Variants in CLK3 observed in about 807,000 individuals in gnomAD.
CLK3 encodes dual specificity protein kinase CLK3.
A neutral mutation model predicts 65.2 loss-of-function variants in CLK3; 24 were observed. That is an observed-to-expected ratio of 0.37 (90% CI 0.27 to 0.52). The LOEUF (loss-of-function observed/expected upper bound fraction) is 0.52. Ranked by LOEUF, CLK3 falls within the 20% of genes least tolerant of loss-of-function variation. CLK3 has a pLI of 0.92. For missense variants in CLK3, 506 were observed against 660.0 expected (o/e 0.77, Z 2.56); for synonymous variants, 252 against 240.8 (o/e 1.05, Z -0.43).
Position 74,622,169 on chromosome 15 carries a change from A to G in CLK3, c.419A>G (p.Lys140Arg), listed in dbSNP as rs767593875. The part of the protein sequence containing the change: ...KRSSRSVEDD[K>R]EGHLVCRIGD... ...AGCAGCCGGAGTGTGGAAGATGACAAGGAGGGTCACCTGGTGTGCCGGATC... is the reference window on the plus strand; with the variant it reads ...AGCAGCCGGAGTGTGGAAGATGACAGGGAGGGTCACCTGGTGTGCCGGATC... Residue 140 changes from lysine (K) to arginine (R), a missense_variant, in exon 4 of 13, where the codon AAG (lysine) becomes AGG (arginine). By Grantham distance (26) the Lys-to-Arg change is conservative. This residue lies in a region of CLK3 where 325 missense variants were observed against 500.5 expected (regional missense o/e 0.65). Coordinates refer to ENST00000395066, the MANE Select transcript of CLK3 (RefSeq NM_001130028.2). This position sits in a 1 kb window ranked among gnomAD's most constrained non-coding sequence, Gnocchi z 4.6. 1 of 1,614,142 alleles carries G rather than the reference A, an allele frequency of 6.2e-7. No individual in the cohort carries two copies. The highest frequency in any genetic ancestry group is 1.1e-5 in the South Asian group (1 of 91,086).
intron 11 of CLK3, 66 bp from the exon 12 acceptor site, chr15:74,628,876 C>T: frequency 1.6e-6 from 2 of 1,225,358 alleles, no homozygotes; most frequent in Non-Finnish European, 2.4e-6. Flanking sequence ...CTGCTCTTCC[C>T]CACCTCCCAC....
chr15:74,614,849 G>T (rs1020715471), upstream of CLK3: 1 of 152,220 alleles, frequency 6.6e-6, no homozygotes, highest in Admixed American at 6.5e-5. Flanking sequence ...CCCGACTGCG[G>T]GTTTCTAGCC....
Position 74,628,584 on chromosome 15 carries a change from C to G in CLK3, c.1126-20C>G. 3 of 1,600,496 alleles carry G rather than the reference C, an allele frequency of 1.9e-6. No homozygotes were observed. Among genetic ancestry groups the G allele is most frequent in the Non-Finnish European group, 2.6e-6 (3 of 1,169,600 alleles). ...CAGAGCTAGTACTGACCCCCTTGCA[C>G]TGTCCCTAATCTTCCACAGACCCAC... On this transcript the variant is annotated intron_variant, in intron 10 of 12. Coordinates refer to ENST00000395066, the MANE Select transcript of CLK3 (RefSeq NM_001130028.2).
upstream of CLK3, chr15:74,615,557 G>T: frequency 7.9e-7 from 1 of 1,270,648 alleles, no homozygotes; most frequent in Non-Finnish European, 9.9e-7. Flanking sequence ...CCACCTCTCG[G>T]CTCTGAGAGC....
In CLK3 at chr15:74,629,011, G is replaced by A. The variant is rs776411159; in HGVS notation, c.1275G>A (p.Lys425=). 7 of 1,613,582 alleles carry A rather than the reference G, an allele frequency of 4.3e-6. No homozygotes were observed. The African/African-American group carries it at 9.3e-5, about 22-fold the overall frequency. ...DENSSDGRYV[K]ENCKPLKSYM... ...ACAGCTCTGACGGCCGGTATGTGAA[G>A]GAGAACTGCAAACCTCTGAAGGTCA... Residue 425 remains lysine, a synonymous_variant, in exon 12 of 13, where the codon AAG becomes AAA. Coordinates refer to ENST00000395066, the MANE Select transcript of CLK3 (RefSeq NM_001130028.2).
Position 74,624,981 on chromosome 15 carries a change from C to G in CLK3, c.613C>G (p.Leu205Val). ...GGCTGCCCGGCTAGAAATCAACGTG[C>G]TCAAAAAAATCAAGGAGAAGGACAA... The part of the protein sequence containing the change: ...REAARLEINV[L>V]KKIKEKDKEN... The change falls in exon 6 of 13, where the codon CTC becomes GTC. Residue 205 changes from leucine to valine, a missense_variant. Coordinates refer to ENST00000395066, the MANE Select transcript of CLK3 (RefSeq NM_001130028.2). This position sits in a 1 kb window ranked among gnomAD's most constrained non-coding sequence, Gnocchi z 4.2. 1 of 1,613,662 alleles carries G rather than the reference C, an allele frequency of 6.2e-7. No individual in the cohort carries two copies. Among genetic ancestry groups the G allele is most frequent in the Non-Finnish European group, 8.5e-7 (1 of 1,179,838 alleles).
upstream of CLK3, chr15:74,615,423 C>A: frequency 1.6e-6 from 2 of 1,265,960 alleles, no homozygotes; most frequent in Non-Finnish European, 1.0e-6. Flanking sequence ...AGACCTCAGG[C>A]CGCTCTCGCG....
Position 74,625,811 on chromosome 15 carries a change from C to T in CLK3, c.660C>T (p.Val220=). 6.2e-7 allele frequency: 1 copy of T among 1,614,156 alleles called. No homozygotes were observed. The highest frequency in any genetic ancestry group is 8.5e-7 in the Non-Finnish European group (1 of 1,180,016). The part of the protein sequence containing the change: ...EKDKENKFLC[V]LMSDWFNFHG... ...CATCCTCCTCCTCCAGCCTGTGTGT[C>T]TTGATGTCTGACTGGTTCAACTTCC... Residue 220 remains valine, a synonymous_variant, in exon 7 of 13, where the codon GTC becomes GTT. Transcript: ENST00000395066.
At chr15:74,629,584 T>G in intron 12 of CLK3, 123 bp from the exon 13 acceptor site, 1 of 670,546 alleles carries the variant, frequency 1.5e-6, no homozygotes, top group East Asian at 2.7e-5. Context: ...GGAAGTAGAG[T>G]CCTCCAAGGA....
chr15:74,612,825 C>T (rs1484111494), upstream of CLK3, among the ~76,000 whole-genome samples: 1 of 152,212 alleles, frequency 6.6e-6, no homozygotes, highest in Non-Finnish European at 1.5e-5. Context: ...GGGTACAGCT[C>T]CCACAATGCC....
intron 2 of CLK3, 71 bp downstream of exon 2, chr15:74,619,419 CCT>C: frequency 6.5e-7 from 1 of 1,539,002 alleles, no homozygotes; most frequent in Non-Finnish European, 8.9e-7. Context: ...GCTCCAGACT[CCT>C]TGAGATGACT....
rs936846480 is a variant in CLK3, at chr15:74,620,237, C to A, written c.369+12C>A. ...GCAGCGCCTCCTCGGTGAGTGGTAG[C>A]CAGAGTGTGCTGGCTGGGGCTTAAA... On this transcript the variant is annotated intron_variant, in intron 3 of 12. Transcript: ENST00000395066. The A allele has an allele frequency of 6.2e-7, 1 of 1,613,546 alleles. No individual in the cohort carries two copies. Among genetic ancestry groups the A allele is most frequent in the Non-Finnish European group, 8.5e-7 (1 of 1,179,846 alleles).
At chr15:74,612,157 T>G (rs375308368), upstream of CLK3, among the ~76,000 whole-genome samples, 138 of 152,330 alleles carry the variant, frequency 9.1e-4, no homozygotes, top group South Asian at 0.028. Flanking sequence ...CGTGAGGAGC[T>G]GCAATCCCCA....
At chr15:74,610,998 C>T (rs946876126), upstream of CLK3, among the ~76,000 whole-genome samples, 4 of 152,198 alleles carry the variant, frequency 2.6e-5, no homozygotes, top group East Asian at 5.8e-4. Flanking sequence ...CTGTTTCACT[C>T]GGGGAGATTG....
chr15:74,620,137 G>T lies in CLK3; in HGVS notation c.281G>T (p.Arg94Leu). ...CCTTCACGTTCTCGTCATCGTCGGC[G>T]ATCGCGGGAGAGGGGGCCATACCGG... is the stretch of plus-strand genomic sequence containing the variant. Reference protein sequence around the residue: ...YGPSRSRHRRRSRERGPYRTR... With the variant: ...YGPSRSRHRRLSRERGPYRTR... The change falls in exon 3 of 13, where the codon CGA becomes CTA. Residue 94 changes from arginine (R) to leucine (L), a missense_variant. Transcript: ENST00000395066. 1 of 1,614,120 alleles carries T rather than the reference G, an allele frequency of 6.2e-7. No individual in the cohort carries two copies. The highest frequency in any genetic ancestry group is 1.7e-5 in the Admixed American group (1 of 60,028).
chr15:74,611,625 C>T (rs2061991429), upstream of CLK3, among the ~76,000 whole-genome samples: 1 of 152,232 alleles, frequency 6.6e-6, no homozygotes, highest in African/African-American at 2.4e-5. Flanking sequence ...GAAAGAGGAG[C>T]CAGACTTCAG....
At chr15:74,615,460 C>A (rs917851535), upstream of CLK3, 4 of 1,311,958 alleles carry the variant, frequency 3.0e-6, no homozygotes, top group East Asian at 1.2e-4. Context: ...GAACAATGCC[C>A]GTCCTCTCCG....
rs2062132708 is a variant in CLK3 at position 74,625,027 on chromosome 15, C to G, written c.650+9C>G. On this transcript the variant is annotated intron_variant, in intron 6 of 12. Transcript: ENST00000395066. Reference sequence around the variant, plus strand: ...GACAAAGAAAACAAGTTGTGAGTATCTGCAAGGAGTGGGAGGGAAGCCTTC... The same window carrying G: ...GACAAAGAAAACAAGTTGTGAGTATGTGCAAGGAGTGGGAGGGAAGCCTTC... 6.2e-7 allele frequency: 1 copy of G among 1,601,186 alleles called. No individual in the cohort carries two copies. Among genetic ancestry groups the G allele is most frequent in the Non-Finnish European group, 8.6e-7 (1 of 1,168,350 alleles).
upstream of CLK3, chr15:74,615,300 G>C: frequency 1.5e-6 from 1 of 647,844 alleles, no homozygotes; most frequent in Non-Finnish European, 2.2e-6. Context: ...GCACTGGCGA[G>C]CTGGGAGCGC....
Sources: allele counts gnomAD v4.1 joint callset (sites outside exome capture counted in the v4.1 genomes callset), GRCh38; gene constraint gnomAD v4.1.1; regional missense constraint gnomAD v4.1.1; non-coding constraint Gnocchi (gnomAD v3.1); transcripts MANE v1.5; gene names NCBI Gene and HGNC (gene_info 2026-07-23, HGNC 2026-07-21).